The following DPYD variants were observed in gnomAD, a reference collection of about 807,000 sequenced individuals.
DPYD encodes the protein dihydropyrimidine dehydrogenase [NADP(+)].
A neutral mutation model predicts 116.2 loss-of-function variants in DPYD; 109 were observed. The ratio of observed to expected loss-of-function variants is 0.94; its 90% CI spans 0.80 to 1.10. DPYD has a LOEUF of 1.10. DPYD is among the 50% of genes least tolerant of loss of function. The probability of loss-of-function intolerance (pLI) is 0.00; values close to 1 mark genes in which losing one functional copy is unlikely to be tolerated. For missense variants in DPYD, 1,302 were observed against 1,254.5 expected (o/e 1.04, Z -0.57); for synonymous variants, 440 against 432.0 (o/e 1.02, Z -0.23).
At chr1:97,906,419 C>T (rs1389326800) in intron 1 of DPYD, among the ~76,000 whole-genome samples, 2 of 152,024 alleles carry the variant, frequency 1.3e-5, no homozygotes, top group African/African-American at 4.8e-5. Context: ...ATTGCCTCAT[C>T]TTCTGTTCTG....
intron 13 of DPYD, among the ~76,000 whole-genome samples, chr1:97,458,772 A>T (rs998956863): frequency 6.6e-6 from 1 of 152,182 alleles, no homozygotes; most frequent in Non-Finnish European, 1.5e-5. Flanking sequence ...GTGAGCCCCA[A>T]AATTTAAACT....
intron 21 of DPYD, among the ~76,000 whole-genome samples, chr1:97,097,543 A>C (rs1355263107): frequency 6.6e-6 from 1 of 152,146 alleles, no homozygotes; most frequent in East Asian, 1.9e-4. Context: ...TTTCAGACAG[A>C]ATGCCATCCA....
chr1:97,763,840 C>T (rs1665709643), intron 3 of DPYD, among the ~76,000 whole-genome samples: 1 of 151,938 alleles, frequency 6.6e-6, no homozygotes, highest in African/African-American at 2.4e-5. Context: ...TATTATGAAT[C>T]TTATTTTTCT....
At chr1:97,732,348 G>A (rs1449922310) in intron 4 of DPYD, among the ~76,000 whole-genome samples, 3 of 151,762 alleles carry the variant, frequency 2.0e-5, no homozygotes, top group African/African-American at 4.8e-5. Context: ...GGTGGCACAC[G>A]CCTGTAGTCT....
At chr1:97,150,003 T>C (rs1654903270) in intron 20 of DPYD, among the ~76,000 whole-genome samples, 1 of 152,180 alleles carries the variant, frequency 6.6e-6, no homozygotes, top group Non-Finnish European at 1.5e-5. Context: ...TTGTCAACCT[T>C]TCTAATACCA....
intron 20 of DPYD, among the ~76,000 whole-genome samples, chr1:97,150,267 TA>T (rs34447969): frequency 0.14 from 21,219 of 148,784 alleles, 1,669 homozygotes; most frequent in East Asian, 0.29. Flanking sequence ...CACTGTATCT[TA>T]AAAAAAAAAA....
chr1:97,207,868 A>T (rs1179939404), intron 19 of DPYD, among the ~76,000 whole-genome samples: 2 of 152,182 alleles, frequency 1.3e-5, no homozygotes, highest in Non-Finnish European at 2.9e-5. Context: ...CATTTTAAAG[A>T]ATTCCCTCTC....
At chr1:97,271,266 T>C (rs1318774423) in intron 18 of DPYD, among the ~76,000 whole-genome samples, 2 of 152,130 alleles carry the variant, frequency 1.3e-5, no homozygotes, top group Admixed American at 6.5e-5. Flanking sequence ...CTTGTGGACA[T>C]CATTAACAAG....
intron 20 of DPYD, among the ~76,000 whole-genome samples, chr1:97,119,776 T>C (rs1270007862): frequency 6.6e-6 from 1 of 152,148 alleles, no homozygotes; most frequent in Non-Finnish European, 1.5e-5. Context: ...TGCCATCCAT[T>C]ATTCCACCAG....
chr1:97,215,850 G>A (rs1423847282), intron 19 of DPYD, among the ~76,000 whole-genome samples: 1 of 152,022 alleles, frequency 6.6e-6, no homozygotes, highest in African/African-American at 2.4e-5. Context: ...CATTCTTTTT[G>A]CCTTTCTGTT....
At chr1:97,446,692 G>A (rs1487924860) in intron 14 of DPYD, among the ~76,000 whole-genome samples, 3 of 151,910 alleles carry the variant, frequency 2.0e-5, no homozygotes, top group Non-Finnish European at 4.4e-5. Flanking sequence ...TTCAGTCTTT[G>A]CTTCCTAATT....
intron 16 of DPYD, among the ~76,000 whole-genome samples, chr1:97,340,566 T>C (rs1669540722): frequency 6.6e-6 from 1 of 151,990 alleles, no homozygotes; most frequent in Admixed American, 6.6e-5. Context: ...CCCAGCTACT[T>C]TCGGGAGGCT....
intron 8 of DPYD, among the ~76,000 whole-genome samples, chr1:97,662,103 C>T (rs113364430): frequency 1.3e-5 from 2 of 150,796 alleles, no homozygotes; most frequent in Non-Finnish European, 3.0e-5. Flanking sequence ...CAGGTTCACG[C>T]CATTCTCCTG....
chr1:97,774,563 G>C (rs1424873094), intron 3 of DPYD: 1 of 152,332 alleles, frequency 6.6e-6, no homozygotes, highest in African/African-American at 2.4e-5. Flanking sequence ...TATGGCTCTG[G>C]GTATCTACCC....
intron 14 of DPYD, among the ~76,000 whole-genome samples, chr1:97,414,201 T>C (rs1674165643): frequency 6.6e-6 from 1 of 152,190 alleles, no homozygotes; most frequent in Admixed American, 6.5e-5. Flanking sequence ...ATATACACAT[T>C]TGATGGCAAA....
intron 5 of DPYD, among the ~76,000 whole-genome samples, chr1:97,700,455 G>A (rs1238745286): frequency 1.3e-5 from 2 of 151,930 alleles, no homozygotes; most frequent in African/African-American, 2.4e-5. Context: ...CTCAGTGTAC[G>A]GCTGAAGCTT....
At chr1:97,414,501 T>C (rs945583792) in intron 14 of DPYD, among the ~76,000 whole-genome samples, 5 of 152,254 alleles carry the variant, frequency 3.3e-5, no homozygotes, top group African/African-American at 1.2e-4. Context: ...AGTGGTTTCA[T>C]GGTGCCATTT....
At chr1:97,466,914 A>G (rs1373079365) in intron 13 of DPYD, among the ~76,000 whole-genome samples, 1 of 152,212 alleles carries the variant, frequency 6.6e-6, no homozygotes, top group Non-Finnish European at 1.5e-5. Flanking sequence ...TGAGATAGAG[A>G]AAGAACCCCC....
At position 97,248,944 on chromosome 1, in the gene DPYD, A is replaced by G. The variant is rs957823071; in HGVS notation, c.2300-13950T>C. On this transcript the variant is annotated intron_variant, in intron 18 of 22. Coordinates refer to ENST00000370192, the MANE Select transcript of DPYD (RefSeq NM_000110.4). Reference sequence around the variant, plus strand: ...ATTTTGTAAAATATTTCTGAGAAAAATTCATGATACTTCAGAAAATAAAGA... The same window carrying G: ...ATTTTGTAAAATATTTCTGAGAAAAGTTCATGATACTTCAGAAAATAAAGA... Among the ~76,000 whole-genome samples the G allele has an allele frequency of 2.0e-5, 3 of 152,170 alleles. No homozygotes were observed. The East Asian group carries it at 5.8e-4, about 29-fold the overall frequency.
Sources: allele counts gnomAD v4.1 joint callset (sites outside exome capture counted in the v4.1 genomes callset), GRCh38; gene constraint gnomAD v4.1.1; transcripts MANE v1.5; gene names NCBI Gene and HGNC (gene_info 2026-07-23, HGNC 2026-07-21).